Variants in SORCS1 observed in about 807,000 individuals in gnomAD.
The protein encoded by SORCS1 is sortilin related VPS10 domain containing receptor 1, also known as VPS10 domain-containing receptor SorCS1.
In SORCS1, 60 loss-of-function variants were observed where a neutral mutation model predicts 146.1. That is an observed-to-expected ratio of 0.41 (90% CI 0.33 to 0.51). The LOEUF is 0.51. Ranked by LOEUF, SORCS1 falls within the 20% of genes least tolerant of loss-of-function variation. The probability of loss-of-function intolerance (pLI) is 0.21; values close to 1 mark genes in which losing one functional copy is unlikely to be tolerated. For synonymous variants in SORCS1, 637 were observed against 584.0 expected, an observed-to-expected ratio of 1.09 and a Z score of -1.31; for missense variants, 1,352 against 1,487.6, an observed-to-expected ratio of 0.91 and a Z score of 1.50.
At chr10:106,749,214 G>A (rs1011426329) in intron 5 of SORCS1, among the ~76,000 whole-genome samples, 1 of 152,218 alleles carries the variant, frequency 6.6e-6, no homozygotes, top group African/African-American at 2.4e-5. Flanking sequence ...AAGGGGCGCA[G>A]TCAATTCCTT....
At chr10:106,814,217 T>C (rs976061330) in intron 3 of SORCS1, among the ~76,000 whole-genome samples, 4 of 152,220 alleles carry the variant, frequency 2.6e-5, no homozygotes, top group African/African-American at 9.6e-5. Flanking sequence ...GCTGAATTAT[T>C]TTACATAAGG....
At chr10:107,113,651 C>A (rs958547018) in intron 1 of SORCS1, among the ~76,000 whole-genome samples, 9 of 145,606 alleles carry the variant, frequency 6.2e-5, no homozygotes, top group Non-Finnish European at 1.2e-4. Context: ...GATCACACCA[C>A]TGCACTCCAG....
chr10:106,714,280 T>A (rs1438082032), intron 6 of SORCS1, among the ~76,000 whole-genome samples: 1 of 151,830 alleles, frequency 6.6e-6, no homozygotes, highest in Non-Finnish European at 1.5e-5. Context: ...ATAAAAAATT[T>A]TGGAGAAAAC....
At chr10:106,583,894 C>T (rs570300671) in intron 24 of SORCS1, among the ~76,000 whole-genome samples, 1 of 152,106 alleles carries the variant, frequency 6.6e-6, no homozygotes, top group Non-Finnish European at 1.5e-5. Context: ...TGAAGCCATG[C>T]AGAACAATCT....
In SORCS1 at chr10:106,652,470, G is replaced by A; in HGVS notation, c.2387C>T (p.Ala796Val). 1 of 1,614,098 alleles carries A rather than the reference G, an allele frequency of 6.2e-7. No individual in the cohort carries two copies. Among genetic ancestry groups the A allele is most frequent in the Non-Finnish European group, 8.5e-7 (1 of 1,179,988 alleles). ...CGTGACTATCCGCAGCCCCCGCGGG[G>A]CTTTCCCTGGGCACTTCTGCGGTTT... is the stretch of plus-strand genomic sequence containing the variant. Reference protein sequence around the residue: ...TAKPQKCPGKAPRGLRIVTAD... With the variant: ...TAKPQKCPGKVPRGLRIVTAD... Residue 796 changes from alanine to valine, a missense_variant, in exon 18 of 26, where the codon GCC becomes GTC. Around this residue, in one of 3 missense-constraint regions of SORCS1, gnomAD observed 648 missense variants for 793.8 expected, o/e 0.82. Coordinates refer to ENST00000263054, the MANE Select transcript of SORCS1 (RefSeq NM_052918.5).
intron 1 of SORCS1, among the ~76,000 whole-genome samples, chr10:107,043,253 A>G (rs1228336624): frequency 6.6e-6 from 1 of 152,212 alleles, no homozygotes; most frequent in Admixed American, 6.5e-5. Flanking sequence ...AGGAAAAAGT[A>G]AACCCCGTTT....
At chr10:107,074,537 T>C (rs1007859031) in intron 1 of SORCS1, among the ~76,000 whole-genome samples, 1 of 152,186 alleles carries the variant, frequency 6.6e-6, no homozygotes, top group African/African-American at 2.4e-5. Flanking sequence ...GGACATAAGT[T>C]TTCAACTCCT....
chr10:106,974,023 A>G (rs1295521477), intron 1 of SORCS1, among the ~76,000 whole-genome samples: 1 of 152,024 alleles, frequency 6.6e-6, no homozygotes, highest in African/African-American at 2.4e-5. Context: ...AGAGTCAGTC[A>G]TGAGGCTTTT....
chr10:106,766,444 A>G (rs1325869747), intron 4 of SORCS1, among the ~76,000 whole-genome samples: 1 of 152,200 alleles, frequency 6.6e-6, no homozygotes, highest in Non-Finnish European at 1.5e-5. Context: ...CATCACAAAT[A>G]TCAAGTTCTT....
chr10:107,173,992 C>A, the SORCS1 span, among the ~76,000 whole-genome samples: 2 of 152,064 alleles, frequency 1.3e-5, no homozygotes, highest in African/African-American at 2.4e-5. Context: ...GTTCTTCCAG[C>A]GTGTTCTAGA....
intron 2 of SORCS1, among the ~76,000 whole-genome samples, chr10:106,862,919 T>C (rs762435615): frequency 1.3e-5 from 2 of 152,150 alleles, no homozygotes; most frequent in African/African-American, 2.4e-5. Flanking sequence ...CTGATTCTCA[T>C]GGTAAGATAT....
chr10:107,146,103 G>GA (rs950163225), intron 1 of SORCS1, among the ~76,000 whole-genome samples: 1 of 152,162 alleles, frequency 6.6e-6, no homozygotes, highest in Non-Finnish European at 1.5e-5. Flanking sequence ...CAGAGACACT[G>GA]AATGAGATTA....
chr10:106,946,033 C>T (rs1954324739), intron 2 of SORCS1, among the ~76,000 whole-genome samples: 1 of 152,166 alleles, frequency 6.6e-6, no homozygotes, highest in African/African-American at 2.4e-5. Context: ...TCCCACTTGG[C>T]ACTGGTTATG....
intron 19 of SORCS1, among the ~76,000 whole-genome samples, chr10:106,626,698 G>A (rs964223224): frequency 6.6e-6 from 1 of 152,208 alleles, no homozygotes; most frequent in Non-Finnish European, 1.5e-5. Context: ...AGCAAAAAGA[G>A]TTTGTGGGCA....
At chr10:106,709,665 G>T (rs1854828430) in intron 6 of SORCS1, among the ~76,000 whole-genome samples, 1 of 151,910 alleles carries the variant, frequency 6.6e-6, no homozygotes, top group Non-Finnish European at 1.5e-5. Context: ...AGCCAGGATG[G>T]TCTCGATCTC....
chr10:106,779,615 A>G (rs1311416226), intron 3 of SORCS1, among the ~76,000 whole-genome samples: 1 of 149,010 alleles, frequency 6.7e-6, no homozygotes, highest in East Asian at 2.0e-4. Context: ...CAGTGACACA[A>G]TCTCAGCTCA....
rs558359043 is a variant in SORCS1 at position 106,672,892 on chromosome 10, G to A, written c.2034C>T (p.Tyr678=). 3.1e-6 allele frequency: 5 copies of A among 1,614,052 alleles called. No individual in the cohort carries two copies. The highest frequency in any genetic ancestry group is 1.6e-4 in the Middle Eastern group (1 of 6,062). The part of the protein sequence containing the change: ...IFDRRCAEED[Y]RPWQLHSQGE... ...CCTGGCTGTGCAGCTGCCAAGGTCTGTAGTCCTCTTCGGCACACCGTCTAT... is the reference window on the plus strand; with the variant it reads ...CCTGGCTGTGCAGCTGCCAAGGTCTATAGTCCTCTTCGGCACACCGTCTAT... Residue 678 remains tyrosine (Y), a synonymous_variant, in exon 15 of 26, where the codon TAC becomes TAT. Transcript: ENST00000263054.
At chr10:106,801,297 A>C (rs1457434818) in intron 3 of SORCS1, among the ~76,000 whole-genome samples, 2 of 152,188 alleles carry the variant, frequency 1.3e-5, no homozygotes, top group African/African-American at 4.8e-5. Context: ...CAAGAGAAGG[A>C]AGGATAAAGT....
chr10:106,862,392 C>T (rs916780354), intron 2 of SORCS1, among the ~76,000 whole-genome samples: 4 of 152,102 alleles, frequency 2.6e-5, no homozygotes, highest in Non-Finnish European at 4.4e-5. Context: ...CTTTTAATAT[C>T]ACCATTTATT....
Sources: gnomAD v4.1 joint callset for allele counts (sites outside exome capture counted in the v4.1 genomes callset) on GRCh38, gnomAD v4.1.1 for gene constraint, gnomAD v4.1.1 regional missense constraint, MANE v1.5 for transcripts, NCBI Gene and HGNC (gene_info 2026-07-23, HGNC 2026-07-21) for gene names.